SPEN: variants seen among roughly 807,000 people sequenced by gnomAD.
SPEN encodes msx2-interacting protein.
Under a neutral mutation model 269.9 loss-of-function variants are expected in SPEN, and 18 were observed. The observed-to-expected ratio is 0.07, with a 90% CI of 0.05 to 0.10. The LOEUF (loss-of-function observed/expected upper bound fraction) is 0.10, where lower values mean the gene tolerates loss of function less well. SPEN is among the 10% of genes least tolerant of loss of function. The pLI, the probability that SPEN is intolerant of heterozygous loss-of-function variation, is 1.00. For synonymous variants in SPEN, 1,726 were observed against 1,765.7 expected (o/e 0.98, Z 0.56); for missense variants, 3,822 against 4,631.2 (o/e 0.83, Z 5.07).
At chr1:15,916,068 A>G in intron 5 of SPEN, 60 bp from the exon 6 acceptor site, 1 of 1,534,412 alleles carries the variant, frequency 6.5e-7, no homozygotes, top group South Asian at 1.3e-5. Flanking sequence ...TTTCCATGAT[A>G]TATAAATATG....
chr1:15,850,638 AG>A (rs2070326722), intron 1 of SPEN, among the ~76,000 whole-genome samples: 1 of 152,188 alleles, frequency 6.6e-6, no homozygotes, highest in African/African-American at 2.4e-5. Context: ...TGTGGAGCTA[AG>A]TGGACCTTGT....
chr1:15,938,935 A>C, intron 14 of SPEN, 59 bp downstream of exon 14: 1 of 1,568,874 alleles, frequency 6.4e-7, no homozygotes. Context: ...TGATCAGGGT[A>C]GGTGGGCCTA....
At chr1:15,860,174 G>A (rs2070430627) in intron 1 of SPEN, among the ~76,000 whole-genome samples, 1 of 151,882 alleles carries the variant, frequency 6.6e-6, no homozygotes, top group Non-Finnish European at 1.5e-5. Context: ...GCCTCCCAAA[G>A]TGCTGGGATT....
intron 1 of SPEN, among the ~76,000 whole-genome samples, chr1:15,852,117 C>T (rs564917204): frequency 2.0e-5 from 3 of 152,258 alleles, no homozygotes; most frequent in South Asian, 2.1e-4. Context: ...GATATCTTTA[C>T]CTCTGGGACA....
intron 3 of SPEN, among the ~76,000 whole-genome samples, chr1:15,891,686 C>T (rs1356936143): frequency 6.6e-6 from 1 of 151,700 alleles, no homozygotes; most frequent in African/African-American, 2.4e-5. Context: ...GATAGGGTCT[C>T]GCTATGTTGC....
intron 3 of SPEN, among the ~76,000 whole-genome samples, chr1:15,902,156 T>A (rs1429996075): frequency 6.6e-6 from 1 of 152,166 alleles, no homozygotes; most frequent in Admixed American, 6.5e-5. Context: ...CTCAAACTCC[T>A]GACCTCAAGT....
Position 15,848,982 on chromosome 1 carries a change from G to A in SPEN, c.83+832G>A, listed in dbSNP as rs1238638549. Reference sequence around the variant, plus strand: ...TCCAAACCTTTTACGATGAGAAGATGTAGCTTAAAAAAAAAACCTCCCCTG... The same window carrying A: ...TCCAAACCTTTTACGATGAGAAGATATAGCTTAAAAAAAAAACCTCCCCTG... On this transcript the variant is annotated intron_variant, in intron 1 of 14. Transcript: ENST00000375759. This position sits in a 1 kb window ranked among gnomAD's most constrained non-coding sequence, Gnocchi z 5.1. Among the ~76,000 whole-genome samples, 3 of 151,848 alleles carry A rather than the reference G, an allele frequency of 2.0e-5. No homozygotes were observed. Among genetic ancestry groups the A allele is most frequent in the Non-Finnish European group, 4.4e-5 (3 of 67,958 alleles).
In SPEN at chr1:15,932,127, GA is replaced by G. The variant is rs774860047; in HGVS notation, c.5888del (p.Glu1963GlyfsTer59). On this transcript the variant is annotated frameshift_variant, in exon 11 of 15. Coordinates refer to ENST00000375759, the MANE Select transcript of SPEN (RefSeq NM_015001.3). LOFTEE classifies it high-confidence loss of function. This position sits in a 1 kb window ranked among gnomAD's most constrained non-coding sequence, Gnocchi z 4.2. ...AAAGACACGCCGGCGAGCCGATGAA[GA>G]GGAGGAGAACGAGGCCAAGGAACCT... ...PPKTRRRADE[E>X]EENEAKEPAE... The G allele has an allele frequency of 3.7e-6, 6 of 1,613,684 alleles. No homozygotes were observed. The highest frequency in any genetic ancestry group is 5.1e-6 in the Non-Finnish European group (6 of 1,179,978).
At chr1:15,854,253 A>G (rs986861654) in intron 1 of SPEN, among the ~76,000 whole-genome samples, 1 of 152,138 alleles carries the variant, frequency 6.6e-6, no homozygotes, top group Non-Finnish European at 1.5e-5. Flanking sequence ...ATGATTTGAA[A>G]TAAGTGCTGT....
rs2071228811 is a variant in SPEN, at chr1:15,932,217, G to A, written c.5977G>A (p.Gly1993Ser). The part of the protein sequence containing the change: ...SPRSQKTAAG[G>S]GPQGKKGKNE... ...AAGGTCCCAGAAAACTGCAGCTGGTGGTGGACCCCAAGGGAAAAAGGGAAA... is the reference window on the plus strand; with the variant it reads ...AAGGTCCCAGAAAACTGCAGCTGGTAGTGGACCCCAAGGGAAAAAGGGAAA... Residue 1993 changes from glycine to serine, a missense_variant, in exon 11 of 15, where the codon GGT becomes AGT. This residue lies in a region of SPEN where 533 missense variants were observed against 618.8 expected (regional missense o/e 0.86). Coordinates refer to ENST00000375759, the MANE Select transcript of SPEN (RefSeq NM_015001.3). This position sits in a 1 kb window ranked among gnomAD's most constrained non-coding sequence, Gnocchi z 4.2. 1.2e-6 allele frequency: 2 copies of A among 1,612,962 alleles called. No homozygotes were observed. Among genetic ancestry groups the A allele is most frequent in the East Asian group, 2.2e-5 (1 of 44,878 alleles).
chr1:15,928,120 A>G lies in SPEN; in HGVS notation c.1880A>G (p.Asn627Ser), dbSNP rs2071185463. 6.2e-7 allele frequency: 1 copy of G among 1,612,624 alleles called. No individual in the cohort carries two copies. The highest frequency in any genetic ancestry group is 1.7e-5 in the Admixed American group (1 of 59,904). The change falls in exon 11 of 15, where the codon AAC becomes AGC. Residue 627 changes from asparagine to serine, a missense_variant. By Grantham distance (46) the Asn-to-Ser change is conservative. Coordinates refer to ENST00000375759, the MANE Select transcript of SPEN (RefSeq NM_015001.3). The surrounding 1 kb of genome is among the most constrained non-coding windows in gnomAD (Gnocchi z 5.7). ...REERRASYDY[N>S]QDRTYYESVR... ...GAACGAAGGGCATCCTACGACTATA[A>G]CCAAGATCGTACATATTATGAGAGT...
In SPEN at chr1:15,933,311, T is replaced by C. The variant is rs1319549513; in HGVS notation, c.7071T>C (p.Pro2357=). ...TGGCTCCTGTAGAGAGCCATGTCCC[T>C]GAATCCAACCAAGCTCAAGGTGAGA... ...KVVAPVESHV[P]ESNQAQGESP... Residue 2357 remains proline, a synonymous_variant, in exon 11 of 15, where the codon CCT becomes CCC. Transcript: ENST00000375759. This position sits in a 1 kb window ranked among gnomAD's most constrained non-coding sequence, Gnocchi z 5.7. 6.2e-7 allele frequency: 1 copy of C among 1,614,118 alleles called. No homozygotes were observed. Among genetic ancestry groups the C allele is most frequent in the Admixed American group, 1.7e-5 (1 of 60,026 alleles).
rs527406754 is a variant in SPEN at position 15,905,012 on chromosome 1, C to T, written c.882-4309C>T. Among the ~76,000 whole-genome samples, 60 of 150,868 alleles carry T rather than the reference C, an allele frequency of 4.0e-4. No individual in the cohort carries two copies. The East Asian group carries it at 9.8e-3, about 25-fold the overall frequency. On this transcript the variant is annotated intron_variant, in intron 3 of 14. Coordinates refer to ENST00000375759, the MANE Select transcript of SPEN (RefSeq NM_015001.3). ...CAAGTGATTCTCCTGCTTCAGCCTC[C>T]GGAGTAGCTGGGATTACACACACAC...
chr1:15,937,024 A>T lies in SPEN; in HGVS notation c.10027-139A>T. The T allele has an allele frequency of 7.7e-7, 1 of 1,292,944 alleles. No individual in the cohort carries two copies. Among genetic ancestry groups the T allele is most frequent in the Non-Finnish European group, 1.1e-6 (1 of 940,748 alleles). The allele number at this position is 1,292,944 out of a possible 1,614,324, so 80.1% of individuals were successfully genotyped here. A position where few individuals can be genotyped will look rare whatever the true frequency, so the allele number is the denominator to read the frequency against. On this transcript the variant is annotated intron_variant, in intron 11 of 14. Transcript: ENST00000375759. This position sits in a 1 kb window ranked among gnomAD's most constrained non-coding sequence, Gnocchi z 5.7. ...ACCCCGAAAGCAGCTCCGTTGATTC[A>T]GGCTCCTTCTGTGGGCCTGACTTAA...
chr1:15,883,805 T>G (rs1380827871), intron 3 of SPEN, among the ~76,000 whole-genome samples: 1 of 123,062 alleles, frequency 8.1e-6, no homozygotes, highest in Non-Finnish European at 1.7e-5. Context: ...CAATTTAAGA[T>G]TCTTTTTTTT....
Position 15,911,485 on chromosome 1 carries a change from G to C in SPEN, c.1243+184G>C, listed in dbSNP as rs1019090291. ...ATTGTTCAACTTAATAAAAAACATT[G>C]TTTTGGTTAGGGAGGATAGATTTTT... On this transcript the variant is annotated intron_variant, in intron 5 of 14. Transcript: ENST00000375759. Among the ~76,000 whole-genome samples the C allele has an allele frequency of 7.2e-5, 11 of 152,334 alleles. No homozygotes were observed. The East Asian group carries it at 1.9e-3, about 27-fold the overall frequency.
At chr1:15,907,441 A>T (rs1223284442) in intron 3 of SPEN, among the ~76,000 whole-genome samples, 1 of 152,074 alleles carries the variant, frequency 6.6e-6, no homozygotes, top group Non-Finnish European at 1.5e-5. Context: ...GCACCACTGC[A>T]CTCCAGCCTG....
At chr1:15,854,673 G>A (rs1168405250) in intron 1 of SPEN, among the ~76,000 whole-genome samples, 12 of 151,998 alleles carry the variant, frequency 7.9e-5, no homozygotes, top group African/African-American at 2.2e-4. Context: ...TAGTAGAGAC[G>A]GGGTTTCTCT....
Position 15,873,199 on chromosome 1 carries a change from A to C in SPEN, c.404+63A>C. ...TTGATATGGTGAGAAACAGAAACTC[A>C]TATTTAGGGGCCCCAGATGGATTTA... On this transcript the variant is annotated intron_variant, in intron 2 of 14. Transcript: ENST00000375759. 6.0e-6 allele frequency: 9 copies of C among 1,499,456 alleles called. No individual in the cohort carries two copies. In the South Asian group the frequency reaches 1.2e-4, roughly 21 times the overall value. 92.9% of individuals were successfully genotyped at this position (1,499,456 alleles called of 1,614,324 possible).
Sources: allele counts gnomAD v4.1 joint callset (sites outside exome capture counted in the v4.1 genomes callset), GRCh38; gene constraint gnomAD v4.1.1; regional missense constraint gnomAD v4.1.1; non-coding constraint Gnocchi (gnomAD v3.1); transcripts MANE v1.5; gene names NCBI Gene and HGNC (gene_info 2026-07-23, HGNC 2026-07-21).